The following ANKRD55 variants were observed in gnomAD, a reference collection of about 807,000 sequenced individuals.
The protein encoded by ANKRD55 is ankyrin repeat domain-containing protein 55.
A neutral mutation model predicts 60.6 loss-of-function variants in ANKRD55; 41 were observed. The observed-to-expected ratio is 0.68, with a 90% CI of 0.53 to 0.88. The LOEUF (loss-of-function observed/expected upper bound fraction) is 0.88. Ranked by LOEUF, ANKRD55 falls within the 40% of genes least tolerant of loss-of-function variation. ANKRD55 has a pLI of 0.00. For synonymous variants in ANKRD55, 264 were observed against 290.3 expected (o/e 0.91, Z 0.92); for missense variants, 732 against 767.6 (o/e 0.95, Z 0.55).
chr5:56,131,938 T>C (rs1757430427), intron 7 of ANKRD55, among the ~76,000 whole-genome samples: 1 of 151,896 alleles, frequency 6.6e-6, no homozygotes, highest in African/African-American at 2.4e-5. Context: ...TTTTATTTTT[T>C]ATTGTTAATT....
intron 6 of ANKRD55, among the ~76,000 whole-genome samples, chr5:56,144,574 G>A (rs765964765): frequency 4.6e-5 from 7 of 151,844 alleles, no homozygotes; most frequent in Non-Finnish European, 7.4e-5. Context: ...TGGGAGGGTG[G>A]GATGGGGGAT....
chr5:56,115,292 CAA>C (rs1262506766), intron 9 of ANKRD55, among the ~76,000 whole-genome samples: 1 of 151,146 alleles, frequency 6.6e-6, no homozygotes, highest in African/African-American at 2.4e-5. Context: ...AGAGAGAATG[CAA>C]AGAGTAGATG....
rs1245735185 is a variant in ANKRD55 at position 56,134,739 on chromosome 5, C to T, written c.613-7633G>A. On this transcript the variant is annotated intron_variant, in intron 7 of 11. Coordinates refer to ENST00000341048, the MANE Select transcript of ANKRD55 (RefSeq NM_024669.3). ...TTTCAGAAGATAGAAGCCTAGGGAA[C>T]TTCCTAACTCATTCTATCAGTCAGT... Among the ~76,000 whole-genome samples the T allele has an allele frequency of 3.3e-5, 5 of 152,212 alleles. No individual in the cohort carries two copies. In the East Asian group the frequency reaches 9.6e-4, roughly 29 times the overall value.
chr5:56,129,205 C>T (rs1757348152), intron 7 of ANKRD55, among the ~76,000 whole-genome samples: 1 of 152,010 alleles, frequency 6.6e-6, no homozygotes, highest in African/African-American at 2.4e-5. Flanking sequence ...TCACAGAGAC[C>T]AGGAGACACT....
intron 5 of ANKRD55, among the ~76,000 whole-genome samples, chr5:56,160,234 T>A (rs943945015): frequency 7.2e-5 from 11 of 152,056 alleles, no homozygotes; most frequent in African/African-American, 2.7e-4. Flanking sequence ...CATGTAGCAA[T>A]TATTATTATG....
intron 5 of ANKRD55, among the ~76,000 whole-genome samples, chr5:56,161,712 A>T (rs1758335426): frequency 6.6e-6 from 1 of 152,160 alleles, no homozygotes; most frequent in Non-Finnish European, 1.5e-5. Context: ...CTGTATCTTC[A>T]TGTATATCAG....
chr5:56,112,511 A>AAAAAACAAAAAAAAAAAC (rs1554036586), intron 9 of ANKRD55, among the ~76,000 whole-genome samples: 1,364 of 81,282 alleles, frequency 0.017, 133 homozygotes, highest in African/African-American at 0.046. Flanking sequence ...TAGCAAAAAA[A>AAAAAACAAAAAAAAAAAC]AAAAAAAAAA....
In ANKRD55 at chr5:56,128,449, T is replaced by A. The variant is rs556202502; in HGVS notation, c.613-1343A>T. The stretch of plus-strand genomic sequence containing the variant: ...GCCAGCCAGTCCCAGGCAGCAGGTC[T>A]CTTGGTAGCTGGGGTACTGTTGACA... On this transcript the variant is annotated intron_variant, in intron 7 of 11. Coordinates refer to ENST00000341048, the MANE Select transcript of ANKRD55 (RefSeq NM_024669.3). Among the ~76,000 whole-genome samples, 435 of 152,322 alleles carry A rather than the reference T, an allele frequency of 2.9e-3. 3 individuals are homozygous for A. The highest frequency in any genetic ancestry group is 9.8e-3 in the African/African-American group (408 of 41,584).
chr5:56,165,071 T>A (rs528770427), intron 5 of ANKRD55, among the ~76,000 whole-genome samples: 2 of 152,182 alleles, frequency 1.3e-5, no homozygotes, highest in Non-Finnish European at 2.9e-5. Context: ...TCTCTCTGAA[T>A]AACCTCCAGT....
At chr5:56,106,853 A>T (rs542068260) in intron 10 of ANKRD55, among the ~76,000 whole-genome samples, 2 of 150,172 alleles carry the variant, frequency 1.3e-5, no homozygotes, top group East Asian at 3.9e-4. Flanking sequence ...CAAAAAAATG[A>T]TGACAAAAAA....
At chr5:56,107,307 GA>G (rs1430794914) in intron 10 of ANKRD55, among the ~76,000 whole-genome samples, 1 of 152,072 alleles carries the variant, frequency 6.6e-6, no homozygotes, top group African/African-American at 2.4e-5. Flanking sequence ...AAAATTGGTT[GA>G]AAAAAATATT....
chr5:56,109,038 AACACACACACACAC>A (rs60023559), intron 10 of ANKRD55, among the ~76,000 whole-genome samples: 21 of 143,962 alleles, frequency 1.5e-4, no homozygotes, highest in East Asian at 2.1e-4. Flanking sequence ...TCTGTCTCAA[AACACACACACACAC>A]ACACACACAC....
rs183566386 is a variant in ANKRD55 at position 56,219,198 on chromosome 5, C to T, written c.58+13658G>A. Among the ~76,000 whole-genome samples, 147 of 142,166 alleles carry T rather than the reference C, an allele frequency of 1.0e-3. 3 individuals are homozygous for T. In the Middle Eastern group the frequency reaches 0.032, roughly 31 times the overall value. The allele number at this position is 142,166 out of a possible 152,430, so 93.3% of individuals were successfully genotyped here. A position where few individuals can be genotyped will look rare whatever the true frequency, so the allele number is the denominator to read the frequency against. ...TGGGGCAGGAGAATCACTTAAACCCCGGAGGTGGAGGTTGCAGTGAGCAGA... is the reference window on the plus strand; with the variant it reads ...TGGGGCAGGAGAATCACTTAAACCCTGGAGGTGGAGGTTGCAGTGAGCAGA... On this transcript the variant is annotated intron_variant, in intron 2 of 11. Transcript: ENST00000341048.
intron 2 of ANKRD55, among the ~76,000 whole-genome samples, chr5:56,188,074 T>A (rs1759013754): frequency 6.6e-6 from 1 of 152,198 alleles, no homozygotes; most frequent in Non-Finnish European, 1.5e-5. Context: ...CACAGGCTGA[T>A]TCAGTGGAAT....
intron 2 of ANKRD55, chr5:56,193,496 A>G (rs1561287575): frequency 2.2e-6 from 1 of 463,396 alleles, no homozygotes; most frequent in South Asian, 2.5e-5. Flanking sequence ...ACAACTGTGT[A>G]TGTGTTAGAA....
chr5:56,211,972 A>G (rs1252024704), intron 2 of ANKRD55, among the ~76,000 whole-genome samples: 1 of 152,122 alleles, frequency 6.6e-6, no homozygotes, highest in Non-Finnish European at 1.5e-5. Context: ...CAAGGGACAA[A>G]TAGTTCTCAT....
At chr5:56,157,301 C>T (rs539825849) in intron 6 of ANKRD55, among the ~76,000 whole-genome samples, 2 of 152,226 alleles carry the variant, frequency 1.3e-5, no homozygotes, top group African/African-American at 2.4e-5. Context: ...TGGAAGGCCA[C>T]AGGGACCTCT....
intron 2 of ANKRD55, among the ~76,000 whole-genome samples, chr5:56,201,382 G>T (rs973660396): frequency 1.3e-5 from 2 of 152,296 alleles, no homozygotes; most frequent in African/African-American, 4.8e-5. Flanking sequence ...GGCCATGCAA[G>T]AACAAGTTAA....
intron 5 of ANKRD55, among the ~76,000 whole-genome samples, chr5:56,166,086 T>TCTTTCTTTCTTTCTTTC (rs1554040775): frequency 1.1e-5 from 1 of 91,772 alleles, no homozygotes; most frequent in African/African-American, 3.6e-5. Flanking sequence ...TTTCTTTTCT[T>TCTTTCTTTCTTTCTTTC]TTTCTTTCTT....
Sources: gnomAD v4.1 joint callset for allele counts (sites outside exome capture counted in the v4.1 genomes callset) on GRCh38, gnomAD v4.1.1 for gene constraint, MANE v1.5 for transcripts, NCBI Gene and HGNC (gene_info 2026-07-23, HGNC 2026-07-21) for gene names.